EMC3: variants seen among roughly 807,000 people sequenced by gnomAD.
EMC3 encodes the protein 30 kDa protein.
In EMC3, 13 loss-of-function variants were observed where a neutral mutation model predicts 36.6. The observed-to-expected ratio is 0.35, with a 90% CI of 0.23 to 0.56. The LOEUF (loss-of-function observed/expected upper bound fraction) is 0.56. Among genes scored for constraint, EMC3 ranks in the 20% least tolerant of loss-of-function variants. The pLI, the probability that EMC3 is intolerant of heterozygous loss-of-function variation, is 0.84. For missense variants in EMC3, 220 were observed against 324.5 expected (o/e 0.68, Z 2.47); for synonymous variants, 120 against 111.9 (o/e 1.07, Z -0.46).
chr3:9,987,106 C>G (rs1183149172), upstream of EMC3: 3 of 821,180 alleles, frequency 3.7e-6, no homozygotes, highest in East Asian at 2.4e-4. Flanking sequence ...CGCAGCTACT[C>G]GGGAGGCTGA....
rs1225185728 is a variant in EMC3 at position 9,963,118 on chromosome 3, TAGA to T, written c.*948_*950del. The T allele has an allele frequency of 1.3e-5, 2 of 152,226 alleles. No individual in the cohort carries two copies. Among genetic ancestry groups the T allele is most frequent in the African/African-American group, 2.4e-5 (1 of 41,462 alleles). 9.4% of individuals were successfully genotyped at this position (152,226 alleles called of 1,614,324 possible). On this transcript the variant is annotated 3_prime_UTR_variant, in exon 8 of 8. Coordinates refer to ENST00000245046, the MANE Select transcript of EMC3 (RefSeq NM_001394674.1). ...TTTCACTGGGCAGAATTAAGTGATA[TAGA>T]AGGTTTGCTGAGTCTGTCCTGACCC... is the stretch of plus-strand genomic sequence containing the variant.
exon 1 of EMC3, chr3:10,011,099 G>A (rs1559362598): frequency 6.6e-6 from 1 of 152,440 alleles, no homozygotes; most frequent in Non-Finnish European, 1.5e-5. Flanking sequence ...CGCCTGTGTT[G>A]GGGCAGCAGC....
At chr3:9,967,186 T>C (rs2085743331) in intron 7 of EMC3, among the ~76,000 whole-genome samples, 1 of 152,206 alleles carries the variant, frequency 6.6e-6, no homozygotes, top group African/African-American at 2.4e-5. Context: ...ATTTGATTTC[T>C]TTTTTCAAGA....
chr3:10,001,181 T>G (rs1479566117), intron 1 of EMC3, among the ~76,000 whole-genome samples: 2 of 152,094 alleles, frequency 1.3e-5, no homozygotes, highest in Non-Finnish European at 2.9e-5. Flanking sequence ...CTTCATTCTT[T>G]TGCATATGGA....
At chr3:9,985,333 T>C (rs992059296) in intron 1 of EMC3, among the ~76,000 whole-genome samples, 2 of 152,228 alleles carry the variant, frequency 1.3e-5, no homozygotes, top group Admixed American at 1.3e-4. Flanking sequence ...CTTACTCTCT[T>C]TATTAAAACG....
At chr3:9,982,713 C>G (rs2085924679) in intron 1 of EMC3, among the ~76,000 whole-genome samples, 1 of 151,714 alleles carries the variant, frequency 6.6e-6, no homozygotes, top group Non-Finnish European at 1.5e-5. Flanking sequence ...CGGAGGAGAC[C>G]CCATCTTTGC....
chr3:9,979,294 C>T (rs904779969), intron 1 of EMC3, among the ~76,000 whole-genome samples: 3 of 152,160 alleles, frequency 2.0e-5, no homozygotes, highest in Non-Finnish European at 4.4e-5. Flanking sequence ...CATCCAGATA[C>T]ATGATCAAAA....
chr3:9,974,200 A>G (rs2085819776), intron 4 of EMC3, among the ~76,000 whole-genome samples, 184 bp downstream of exon 4: 1 of 152,212 alleles, frequency 6.6e-6, no homozygotes. Flanking sequence ...CTGGCTAAAA[A>G]GCATCCACGT....
chr3:10,009,909 T>A (rs2086305233), intron 1 of EMC3: 1 of 152,262 alleles, frequency 6.6e-6, no homozygotes, highest in African/African-American at 2.4e-5. Flanking sequence ...CTGAAACCTA[T>A]ACCGCATTCT....
chr3:9,981,031 C>T (rs911686180), intron 1 of EMC3, among the ~76,000 whole-genome samples: 5 of 152,136 alleles, frequency 3.3e-5, no homozygotes, highest in African/African-American at 1.2e-4. Context: ...AATGAGACCA[C>T]TGTCTCCACA....
rs548126388 is a variant in EMC3 at position 10,000,428 on chromosome 3, C to T, written c.-242+10595G>A. On this transcript the variant is annotated intron_variant, in intron 1 of 8. Transcript: ENST00000470827. ...TAATCATATTTTTAGAAGGGGTAAA[C>T]AGTGATACCATGTTCTGAATTGGAA... Among the ~76,000 whole-genome samples the T allele has an allele frequency of 3.3e-5, 5 of 152,276 alleles. No homozygotes were observed. In the East Asian group the frequency reaches 7.7e-4, roughly 23 times the overall value.
At chr3:9,982,401 G>A (rs1326083222) in intron 1 of EMC3, among the ~76,000 whole-genome samples, 2 of 151,774 alleles carry the variant, frequency 1.3e-5, no homozygotes, top group South Asian at 2.1e-4. Flanking sequence ...TTACAGGCGC[G>A]TCCCACCATG....
intron 1 of EMC3, chr3:10,003,010 A>T (rs1350522975): frequency 2.2e-6 from 1 of 456,142 alleles, no homozygotes. Flanking sequence ...CACCAGCAGC[A>T]GTGGTGGAGA....
chr3:9,974,222 G>A (rs1240746633), intron 4 of EMC3, among the ~76,000 whole-genome samples, 162 bp downstream of exon 4: 1 of 152,128 alleles, frequency 6.6e-6, no homozygotes, highest in East Asian at 1.9e-4. Context: ...ATGAACTTAG[G>A]ATCATTTTTG....
At chr3:9,994,859 A>G (rs1243788763) in intron 1 of EMC3, among the ~76,000 whole-genome samples, 1 of 152,196 alleles carries the variant, frequency 6.6e-6, no homozygotes, top group African/African-American at 2.4e-5. Flanking sequence ...GGCATGAGCC[A>G]CCGTGCCTGG....
chr3:9,977,127 T>C (rs1461732674), intron 2 of EMC3, 77 bp from the exon 3 acceptor site: 1 of 1,166,014 alleles, frequency 8.6e-7, no homozygotes, highest in African/African-American at 1.5e-5. Context: ...CCCAGTGGCT[T>C]AGTCAGAAGG....
chr3:9,964,162 C>A lies in EMC3; in HGVS notation c.693G>T (p.Gln231His). The A allele has an allele frequency of 1.9e-6, 3 of 1,614,204 alleles. No individual in the cohort carries two copies. The highest frequency in any genetic ancestry group is 2.5e-6 in the Non-Finnish European group (3 of 1,180,046). ...EWEALELTDH[Q>H]WALDDVEEEL... ...CTTCTTCGACATCATCTAGTGCCCA[C>A]TGGTGATCCGTCAGCTCCAAAGCTT... Residue 231 changes from glutamine (Q) to histidine (H), a missense_variant, in exon 8 of 8, where the codon CAG (glutamine) becomes CAT (histidine). This residue lies in a region of EMC3 where 56 missense variants were observed against 117.0 expected (regional missense o/e 0.48). Coordinates refer to ENST00000245046, the MANE Select transcript of EMC3 (RefSeq NM_001394674.1).
chr3:9,998,535 T>C (rs897694570), intron 1 of EMC3, among the ~76,000 whole-genome samples: 2 of 151,736 alleles, frequency 1.3e-5, no homozygotes, highest in African/African-American at 4.8e-5. Context: ...GCTCAAGCAG[T>C]CTTCCCTCCT....
chr3:10,007,409 C>T (rs377547959), intron 1 of EMC3: 93 of 1,361,108 alleles, frequency 6.8e-5, no homozygotes, highest in Middle Eastern at 2.1e-4. Flanking sequence ...GGGTCAGTGG[C>T]GGGGTGTGGT....
Sources: allele counts gnomAD v4.1 joint callset (sites outside exome capture counted in the v4.1 genomes callset), GRCh38; gene constraint gnomAD v4.1.1; regional missense constraint gnomAD v4.1.1; transcripts MANE v1.5; gene names NCBI Gene and HGNC (gene_info 2026-07-23, HGNC 2026-07-21).